The following RNASET2 variants were observed in gnomAD, a reference collection of about 807,000 sequenced individuals.
RNASET2 encodes the protein ribonuclease T2.
A neutral mutation model predicts 33.9 loss-of-function variants in RNASET2; 28 were observed. That is an observed-to-expected ratio of 0.83 (90% CI 0.61 to 1.13). The LOEUF is 1.13. Among genes scored for constraint, RNASET2 ranks in the 50% most tolerant of loss-of-function variants. The probability of loss-of-function intolerance (pLI) is 0.00; values close to 1 mark genes in which losing one functional copy is unlikely to be tolerated. For missense variants in RNASET2, 330 were observed against 319.9 expected, an observed-to-expected ratio of 1.03 and a Z score of -0.24; for synonymous variants, 123 against 121.0, an observed-to-expected ratio of 1.02 and a Z score of -0.11.
intron 1 of RNASET2, chr6:166,955,866 T>C: frequency 1.3e-6 from 1 of 748,568 alleles, no homozygotes; most frequent in Non-Finnish European, 1.6e-6. Context: ...CACTTCTGAG[T>C]GTGCTAAGGG....
chr6:166,944,728 G>A (rs989125696), intron 4 of RNASET2, among the ~76,000 whole-genome samples: 10 of 151,332 alleles, frequency 6.6e-5, no homozygotes, highest in African/African-American at 1.2e-4. Flanking sequence ...TGGACCCCCC[G>A]GGGATATGCA....
intron 1 of RNASET2, among the ~76,000 whole-genome samples, chr6:166,954,156 T>C (rs1258528312): frequency 6.7e-6 from 1 of 149,070 alleles, no homozygotes; most frequent in Non-Finnish European, 1.5e-5. Flanking sequence ...GAGAAAGTAA[T>C]GGAGAAGCTA....
chr6:166,938,564 A>G (rs577546911), intron 6 of RNASET2: 6 of 587,114 alleles, frequency 1.0e-5, no homozygotes, highest in Middle Eastern at 5.8e-4. Flanking sequence ...TTATTAATGC[A>G]CTATCCTTTA....
chr6:166,950,866 C>T (rs942087776), intron 2 of RNASET2, among the ~76,000 whole-genome samples: 6 of 152,206 alleles, frequency 3.9e-5, no homozygotes, highest in African/African-American at 1.4e-4. Flanking sequence ...ATGTCCAATA[C>T]ATGGAGGGAT....
intron 6 of RNASET2, among the ~76,000 whole-genome samples, chr6:166,937,139 T>A (rs932565386): frequency 6.6e-6 from 1 of 152,140 alleles, no homozygotes; most frequent in African/African-American, 2.4e-5. Context: ...TTAATCCTCA[T>A]AATGACTTTT....
intron 5 of RNASET2, among the ~76,000 whole-genome samples, chr6:166,942,479 T>G (rs563009692): frequency 6.6e-6 from 1 of 152,318 alleles, no homozygotes; most frequent in Non-Finnish European, 1.5e-5. Flanking sequence ...AGAGAAAATT[T>G]GTATCTTTAT....
At position 166,927,879 on chromosome 6, in the gene RNASET2, A is replaced by G. The variant is rs985675137; in HGVS notation, c.*1709T>C. On this transcript the variant is annotated 3_prime_UTR_variant, in exon 9 of 9. Transcript: ENST00000508775. ...AGATCTTGTCCCTCTCACAGGCATC[A>G]AAACACAAATCATCAGTTCCCGACA... Among the ~76,000 whole-genome samples, 2 of 152,200 alleles carry G rather than the reference A, an allele frequency of 1.3e-5. No individual in the cohort carries two copies. Among genetic ancestry groups the G allele is most frequent in the Non-Finnish European group, 2.9e-5 (2 of 68,032 alleles).
chr6:166,938,415 G>A (rs942381858), intron 6 of RNASET2, among the ~76,000 whole-genome samples: 2 of 152,152 alleles, frequency 1.3e-5, no homozygotes. Context: ...AGGGCAGGCA[G>A]GGACGATTTA....
chr6:166,955,298 GC>G (rs1384895425), intron 1 of RNASET2, among the ~76,000 whole-genome samples: 1 of 31,946 alleles, frequency 3.1e-5, no homozygotes, highest in East Asian at 1.5e-3. Flanking sequence ...ACGCACAGAC[GC>G]GCACACACGA....
At chr6:166,930,766 T>G (rs1327305072) in intron 8 of RNASET2, among the ~76,000 whole-genome samples, 1 of 143,236 alleles carries the variant, frequency 7.0e-6, no homozygotes, top group Non-Finnish European at 1.5e-5. Context: ...ACACAGGACA[T>G]GCACACACAT....
intron 8 of RNASET2, among the ~76,000 whole-genome samples, chr6:166,930,533 C>T (rs981957253): frequency 2.0e-5 from 3 of 151,068 alleles, no homozygotes; most frequent in Admixed American, 6.6e-5. Context: ...CACACATGCA[C>T]ACACATGCCC....
At chr6:166,947,441 T>A (rs1197688722) in intron 3 of RNASET2, among the ~76,000 whole-genome samples, 1 of 152,070 alleles carries the variant, frequency 6.6e-6, no homozygotes, top group African/African-American at 2.4e-5. Context: ...GTCTTCAGGG[T>A]CAACAGCTGG....
chr6:166,934,530 G>C, intron 6 of RNASET2: 1 of 245,888 alleles, frequency 4.1e-6, no homozygotes, highest in Non-Finnish European at 8.0e-6. Context: ...TTTAAACACA[G>C]TCATGCGCCA....
At chr6:166,949,958 T>C (rs566115522) in intron 2 of RNASET2, among the ~76,000 whole-genome samples, 121 of 152,332 alleles carry the variant, frequency 7.9e-4, no homozygotes, top group African/African-American at 2.8e-3. Context: ...AACAGAACCC[T>C]TCACCATGGC....
In RNASET2 at chr6:166,925,215, A is replaced by G. The variant is rs1488753729; in HGVS notation, c.*4373T>C. ...CGCCCAGCCCTCACCTCTGCTGTCC[A>G]GGCATCACCCTTGCTGTCCAGCCGA... On this transcript the variant is annotated 3_prime_UTR_variant, in exon 9 of 9. Transcript: ENST00000508775. Among the ~76,000 whole-genome samples, 2 of 151,496 alleles carry G rather than the reference A, an allele frequency of 1.3e-5. No homozygotes were observed. Among genetic ancestry groups the G allele is most frequent in the Non-Finnish European group, 2.9e-5 (2 of 67,918 alleles).
Position 166,941,830 on chromosome 6 carries a change from A to G in RNASET2, c.332+1189T>C, listed in dbSNP as rs190621855. 6.6e-5 allele frequency among the ~76,000 whole-genome samples: 10 copies of G among 152,350 alleles called. No homozygotes were observed. In the East Asian group the frequency reaches 1.7e-3, roughly 26 times the overall value. ...TTGAAGTGGGATAGAGAAAATAATTACCTTCAGTTAATATAATGTTAATAC... is the reference window on the plus strand; with the variant it reads ...TTGAAGTGGGATAGAGAAAATAATTGCCTTCAGTTAATATAATGTTAATAC... On this transcript the variant is annotated intron_variant, in intron 5 of 8. Transcript: ENST00000508775.
chr6:166,937,603 G>C (rs1002785344), intron 6 of RNASET2, among the ~76,000 whole-genome samples: 1 of 152,162 alleles, frequency 6.6e-6, no homozygotes, highest in Admixed American at 6.5e-5. Context: ...AAAGTGTATA[G>C]GTCTGTGTAC....
chr6:166,947,671 G>A (rs1262466522), intron 3 of RNASET2, among the ~76,000 whole-genome samples: 1 of 152,148 alleles, frequency 6.6e-6, no homozygotes, highest in African/African-American at 2.4e-5. Context: ...AGTGAAACCC[G>A]AAGCCAAGTA....
At chr6:166,936,767 C>G (rs1481759042) in intron 6 of RNASET2, among the ~76,000 whole-genome samples, 2 of 152,212 alleles carry the variant, frequency 1.3e-5, no homozygotes, top group Non-Finnish European at 2.9e-5. Context: ...GGGGATAAAC[C>G]AACCACATCC....
Sources: gnomAD v4.1 joint callset for allele counts (sites outside exome capture counted in the v4.1 genomes callset) on GRCh38, gnomAD v4.1.1 for gene constraint, MANE v1.5 for transcripts, NCBI Gene and HGNC (gene_info 2026-07-23, HGNC 2026-07-21) for gene names.